AP2A1: variants seen among roughly 807,000 people sequenced by gnomAD.
The protein encoded by AP2A1 is AP-2 complex subunit alpha-1.
Under a neutral mutation model 107.3 loss-of-function variants are expected in AP2A1, and 21 were observed. The observed-to-expected ratio is 0.20, with a 90% CI of 0.14 to 0.28. AP2A1 has a LOEUF of 0.28. AP2A1 is among the 10% of genes least tolerant of loss of function. The pLI, the probability that AP2A1 is intolerant of heterozygous loss-of-function variation, is 1.00. For missense variants in AP2A1, 873 were observed against 1,307.7 expected (o/e 0.67, Z 5.13); for synonymous variants, 602 against 564.8 (o/e 1.07, Z -0.93).
rs1046022583 is a variant in AP2A1, at chr19:49,788,802, C to T, written c.474-3133C>T. On this transcript the variant is annotated intron_variant, in intron 4 of 22. Coordinates refer to ENST00000354293, the MANE Select transcript of AP2A1 (RefSeq NM_130787.3). The surrounding 1 kb of genome is among the most constrained non-coding windows in gnomAD (Gnocchi z 4.5). ...GAAAGTGCCGTCACAAATGGAGCAT[C>T]GTCTGTGGCCAGGCTTCTTGCTGGT... is the stretch of plus-strand genomic sequence containing the variant. Among the ~76,000 whole-genome samples, 1 of 152,174 alleles carries T rather than the reference C, an allele frequency of 6.6e-6. No homozygotes were observed. Among genetic ancestry groups the T allele is most frequent in the Non-Finnish European group, 1.5e-5 (1 of 68,032 alleles).
Position 49,801,049 on chromosome 19 carries a change from C to A in AP2A1, c.1544C>A (p.Pro515His). The change falls in exon 12 of 23, where the codon CCC becomes CAC. Residue 515 changes from proline (P) to histidine (H), a missense_variant. This residue lies in a region of AP2A1 where 213 missense variants were observed against 443.5 expected (regional missense o/e 0.48). Transcript: ENST00000354293. ...GEFGNLIAGD[P>H]RSSPPVQFSL... ...TTTGGGAACCTGATTGCTGGGGACC[C>A]CCGCTCCAGGTGAGGGAGCCTCAGC... 2 of 1,604,872 alleles carry A rather than the reference C, an allele frequency of 1.2e-6. No homozygotes were observed. The highest frequency in any genetic ancestry group is 2.2e-5 in the South Asian group (2 of 89,224).
chr19:49,791,805 C>T (rs144438849), intron 4 of AP2A1, 130 bp from the exon 5 acceptor site: 38 of 1,230,296 alleles, frequency 3.1e-5, no homozygotes, highest in African/African-American at 2.5e-4. Flanking sequence ...CTGGATCCTG[C>T]GGCCGCCTGG....
At chr19:49,767,423 C>T (rs1352804419) in intron 1 of AP2A1, among the ~76,000 whole-genome samples, 2 of 151,492 alleles carry the variant, frequency 1.3e-5, no homozygotes, top group Non-Finnish European at 2.9e-5. Flanking sequence ...TAGAGGGGTC[C>T]GGGAGGGCTT....
Position 49,782,065 on chromosome 19 carries a change from C to G in AP2A1, c.255C>G (p.Ser85=). 1 of 1,548,828 alleles carries G rather than the reference C, an allele frequency of 6.5e-7. No individual in the cohort carries two copies. The highest frequency in any genetic ancestry group is 8.7e-7 in the Non-Finnish European group (1 of 1,146,492). Residue 85 remains serine (S), a synonymous_variant, in exon 3 of 23, where the codon TCC becomes TCG. Coordinates refer to ENST00000354293, the MANE Select transcript of AP2A1 (RefSeq NM_130787.3). ...GHMEAVNLLS[S]NKYTEKQIGY... Reference sequence around the variant, plus strand: ...TGGAGGCTGTGAATCTGTTGAGTTCCAATAAATACACAGAGAAGCAAATAG... The same window carrying G: ...TGGAGGCTGTGAATCTGTTGAGTTCGAATAAATACACAGAGAAGCAAATAG...
At chr19:49,790,314 G>C (rs2073125944) in intron 4 of AP2A1, among the ~76,000 whole-genome samples, 1 of 152,122 alleles carries the variant, frequency 6.6e-6, no homozygotes, top group Admixed American at 6.6e-5. Context: ...CTCTGACTCT[G>C]AACTGTATCT....
At chr19:49,800,209 G>T in intron 11 of AP2A1, 59 bp downstream of exon 11, 1 of 1,528,624 alleles carries the variant, frequency 6.5e-7, no homozygotes, top group East Asian at 2.4e-5. Flanking sequence ...GCAGAGCAAG[G>T]ATGGCCGGGG....
rs2073099632 is a variant in AP2A1, at chr19:49,788,343, A to G, written c.474-3592A>G. ...CCATAGCCCTTATTCCACTTAACCA[A>G]GTTGATAAATAGCTCTTATTCCTTT... On this transcript the variant is annotated intron_variant, in intron 4 of 22. Coordinates refer to ENST00000354293, the MANE Select transcript of AP2A1 (RefSeq NM_130787.3). This position sits in a 1 kb window ranked among gnomAD's most constrained non-coding sequence, Gnocchi z 4.5. Among the ~76,000 whole-genome samples the G allele has an allele frequency of 2.0e-5, 3 of 152,306 alleles. No individual in the cohort carries two copies. The highest frequency in any genetic ancestry group is 4.4e-5 in the Non-Finnish European group (3 of 68,028).
rs1003141636 is a variant in AP2A1, at chr19:49,788,778, A to C, written c.474-3157A>C. Among the ~76,000 whole-genome samples, 2 of 152,164 alleles carry C rather than the reference A, an allele frequency of 1.3e-5. No homozygotes were observed. Among genetic ancestry groups the C allele is most frequent in the African/African-American group, 4.8e-5 (2 of 41,438 alleles). On this transcript the variant is annotated intron_variant, in intron 4 of 22. Transcript: ENST00000354293. This position sits in a 1 kb window ranked among gnomAD's most constrained non-coding sequence, Gnocchi z 4.5. ...AGATGTGCGCTGTGACGGAGGTGGG[A>C]AAGTGCCGTCACAAATGGAGCATCG...
chr19:49,782,138 G>C, intron 3 of AP2A1, 49 bp downstream of exon 3: 1 of 1,443,774 alleles, frequency 6.9e-7, no homozygotes, highest in Non-Finnish European at 9.3e-7. Context: ...GGGTCTGCGG[G>C]GGAGGGGGCT....
In AP2A1 at chr19:49,787,330, TTTTGTTTG is replaced by T. The variant is rs1241127561; in HGVS notation, c.474-4601_474-4594del. ...GAGCCACCACTCCCATCTAGGCTTT[TTTTGTTTG>T]TTTTTTTTGTTTTTTGTTTTTTTTT... On this transcript the variant is annotated intron_variant, in intron 4 of 22. Transcript: ENST00000354293. 1.5e-3 allele frequency among the ~76,000 whole-genome samples: 191 copies of T among 123,320 alleles called. 3 individuals are homozygous for T. Among genetic ancestry groups the T allele is most frequent in the African/African-American group, 6.2e-3 (176 of 28,360 alleles). The allele number at this position is 123,320 out of a possible 152,430, so 80.9% of individuals were successfully genotyped here.
intron 1 of AP2A1, among the ~76,000 whole-genome samples, chr19:49,781,428 T>C (rs955174631): frequency 6.6e-6 from 1 of 151,992 alleles, no homozygotes; most frequent in Non-Finnish European, 1.5e-5. Flanking sequence ...GTTCATCGCA[T>C]GTGGGGAGTG....
intron 3 of AP2A1, 26 bp from the exon 4 acceptor site, chr19:49,782,505 G>A (rs2084689596): frequency 6.2e-7 from 1 of 1,605,468 alleles, no homozygotes; most frequent in African/African-American, 1.3e-5. Context: ...AAGGCTCCTA[G>A]CCATCCACGA....
At chr19:49,799,886 G>C in intron 10 of AP2A1, 82 bp from the exon 11 acceptor site, 3 of 1,573,878 alleles carry the variant, frequency 1.9e-6, no homozygotes, top group Non-Finnish European at 2.6e-6. Context: ...CTCCAGATGG[G>C]GGCAGTGGTG....
In AP2A1 at chr19:49,774,264, G is replaced by T. The variant is rs116224025; in HGVS notation, c.67+7064G>T. Among the ~76,000 whole-genome samples, 413 of 152,266 alleles carry T rather than the reference G, an allele frequency of 2.7e-3. 2 individuals are homozygous for T. The highest frequency in any genetic ancestry group is 9.7e-3 in the African/African-American group (404 of 41,550). On this transcript the variant is annotated intron_variant, in intron 1 of 22. Coordinates refer to ENST00000354293, the MANE Select transcript of AP2A1 (RefSeq NM_130787.3). ...CTGCCCTGGGCCCTGGGAACACTGTGGGGACTGAAGCAGCCGTACATCCCT... is the reference window on the plus strand; with the variant it reads ...CTGCCCTGGGCCCTGGGAACACTGTTGGGACTGAAGCAGCCGTACATCCCT...
chr19:49,796,051 G>A (rs954915523), intron 7 of AP2A1: 1 of 322,884 alleles, frequency 3.1e-6, no homozygotes, highest in African/African-American at 2.1e-5. Context: ...CTGAGGCTTG[G>A]AGAGGGAGCT....
At chr19:49,806,530 C>A (rs531141906) in intron 22 of AP2A1, 151 bp from the exon 23 acceptor site, 35 of 1,461,952 alleles carry the variant, frequency 2.4e-5, no homozygotes, top group Non-Finnish European at 3.1e-5. Flanking sequence ...CTCTCTGGCG[C>A]CTCTGTTGAT....
Position 49,767,138 on chromosome 19 carries a change from C to G in AP2A1, c.5C>G (p.Pro2Arg). Residue 2 changes from proline (P) to arginine (R), a missense_variant, in exon 1 of 23, where the codon CCG becomes CGG. Transcript: ENST00000354293. M[P>R]AVSKGDGMRG... Reference sequence around the variant, plus strand: ...GGAGCCGACACCACCGCCATCATGCCGGCCGTGTCCAAGGGCGATGGGATG... The same window carrying G: ...GGAGCCGACACCACCGCCATCATGCGGGCCGTGTCCAAGGGCGATGGGATG... 1 of 1,611,546 alleles carries G rather than the reference C, an allele frequency of 6.2e-7. No individual in the cohort carries two copies. Among genetic ancestry groups the G allele is most frequent in the East Asian group, 2.2e-5 (1 of 44,858 alleles).
chr19:49,772,366 TGGGTTTTTATTATGTTGCCCGG>T (rs1161359045), intron 1 of AP2A1, among the ~76,000 whole-genome samples: 5 of 142,302 alleles, frequency 3.5e-5, no homozygotes, highest in African/African-American at 1.3e-4. Flanking sequence ...TTCACGGAGA[TGGGTTTTTATTATGTTGCCCGG>T]GCTGGTCTCA....
In AP2A1 at chr19:49,805,543, T is replaced by A. The variant is rs949385041; in HGVS notation, c.2435T>A (p.Phe812Tyr). 1.3e-6 allele frequency: 2 copies of A among 1,577,402 alleles called. No homozygotes were observed. The highest frequency in any genetic ancestry group is 1.7e-6 in the Non-Finnish European group (2 of 1,162,462). ...CTCAATATCGAGTGCCTGCGGGACT[T>A]CCTGACGCCCCCGCTGCTGTCCGTG... The part of the protein sequence containing the change: ...QVLNIECLRD[F>Y]LTPPLLSVRF... Residue 812 changes from phenylalanine (F) to tyrosine (Y), a missense_variant, in exon 19 of 23, where the codon TTC (phenylalanine) becomes TAC (tyrosine). Physicochemically the swap from Phe to Tyr is conservative, Grantham distance 22 (BLOSUM62 3). Coordinates refer to ENST00000354293, the MANE Select transcript of AP2A1 (RefSeq NM_130787.3).
Sources: gnomAD v4.1 joint callset for allele counts (sites outside exome capture counted in the v4.1 genomes callset) on GRCh38, gnomAD v4.1.1 for gene constraint, gnomAD v4.1.1 regional missense constraint, Gnocchi (gnomAD v3.1) non-coding constraint, MANE v1.5 for transcripts, NCBI Gene and HGNC (gene_info 2026-07-23, HGNC 2026-07-21) for gene names.